Variants in TMEM213 observed in about 807,000 individuals in gnomAD.
TMEM213 encodes the protein transmembrane protein 213.
TMEM213 carries 7 observed loss-of-function variants against 11.6 expected under a neutral mutation model. The observed-to-expected ratio is 0.60, with a 90% CI of 0.34 to 1.13. The LOEUF (loss-of-function observed/expected upper bound fraction) is 1.13, where lower values mean the gene tolerates loss of function less well. Ranked by LOEUF, TMEM213 falls within the 50% of genes most tolerant of loss-of-function variation. The probability of loss-of-function intolerance (pLI) is 0.03; values close to 1 mark genes in which losing one functional copy is unlikely to be tolerated. For missense variants in TMEM213, 129 were observed against 139.0 expected (o/e 0.93, Z 0.36); for synonymous variants, 60 against 58.3 (o/e 1.03, Z -0.13).
Position 138,805,051 on chromosome 7 carries a change from GA to G in TMEM213, c.*1983del, listed in dbSNP as rs1232764418. The G allele has an allele frequency of 6.6e-6, 1 of 152,148 alleles. No homozygotes were observed. Among genetic ancestry groups the G allele is most frequent in the Non-Finnish European group, 1.5e-5 (1 of 68,018 alleles). The allele number at this position is 152,148 out of a possible 1,614,324, so 9.4% of individuals were successfully genotyped here. ...TCAGAAAATCTAAGTAAAGTTCCCT[GA>G]CAACAGAAACTGAAGAGATTGCCTG... On this transcript the variant is annotated 3_prime_UTR_variant, in exon 3 of 3. Coordinates refer to ENST00000442682, the MANE Select transcript of TMEM213 (RefSeq NM_001085429.2).
At chr7:138,802,787 G>A in intron 2 of TMEM213, 113 bp from the exon 3 acceptor site, 1 of 1,122,418 alleles carries the variant, frequency 8.9e-7, no homozygotes, top group Admixed American at 3.0e-5. Flanking sequence ...CACGTAGTAG[G>A]CCTCATCAGT....
At chr7:138,798,265 A>T (rs1257975071) in intron 1 of TMEM213, 79 bp downstream of exon 1, 66 of 1,217,940 alleles carry the variant, frequency 5.4e-5, no homozygotes, top group Non-Finnish European at 6.7e-5. Context: ...GGAAAGAAGG[A>T]GGAGGGGGAA....
rs1019482886 is a variant in TMEM213 at position 138,805,970 on chromosome 7, G to A, written c.*2901G>A. 3.3e-5 allele frequency: 5 copies of A among 151,972 alleles called. 1 individual carries two copies. The highest frequency in any genetic ancestry group is 3.3e-4 in the Admixed American group (5 of 15,238). 9.4% of individuals were successfully genotyped at this position (151,972 alleles called of 1,614,324 possible). ...ACCCCGTAGATGCTTAGACTACTTT[G>A]AACTGAAGTATGTGCAGTCTGCCAT... On this transcript the variant is annotated 3_prime_UTR_variant, in exon 3 of 3. Coordinates refer to ENST00000442682, the MANE Select transcript of TMEM213 (RefSeq NM_001085429.2).
At chr7:138,802,669 C>A (rs987381243) in intron 2 of TMEM213, among the ~76,000 whole-genome samples, 2 of 152,056 alleles carry the variant, frequency 1.3e-5, no homozygotes, top group African/African-American at 4.8e-5. Context: ...TGATCTTGGG[C>A]AAATTACAGC....
In TMEM213 at chr7:138,803,348, A is replaced by G. The variant is rs1809008308; in HGVS notation, c.*279A>G. ...TGTTTTAACCTTTCTTCTAGGCACCAAGGGAGGTGCACAAGAAACTATAAG... is the reference window on the plus strand; with the variant it reads ...TGTTTTAACCTTTCTTCTAGGCACCGAGGGAGGTGCACAAGAAACTATAAG... On this transcript the variant is annotated 3_prime_UTR_variant, in exon 3 of 3. Transcript: ENST00000442682. 5.0e-6 allele frequency: 2 copies of G among 403,310 alleles called. No individual in the cohort carries two copies. The highest frequency in any genetic ancestry group is 8.4e-5 in the Admixed American group (2 of 23,822). 25.0% of individuals were successfully genotyped at this position (403,310 alleles called of 1,614,324 possible). A position where few individuals can be genotyped will look rare whatever the true frequency, so the allele number is the denominator to read the frequency against.
chr7:138,800,710 T>TCTTC, intron 1 of TMEM213, among the ~76,000 whole-genome samples: 1 of 133,822 alleles, frequency 7.5e-6, no homozygotes, highest in African/African-American at 2.9e-5. Context: ...TCTTCTTTTT[T>TCTTC]TTTTTTTTTT....
intron 2 of TMEM213, chr7:138,801,791 T>C (rs6969815): frequency 0.65 from 128,291 of 198,760 alleles, 41,942 homozygotes; most frequent in African/African-American, 0.72. Context: ...TATGCACGTT[T>C]TTCCTCTTCT....
chr7:138,801,414 C>T lies in TMEM213; in HGVS notation c.154+16C>T, dbSNP rs762657135. The T allele has an allele frequency of 1.3e-6, 2 of 1,598,148 alleles. No homozygotes were observed. The highest frequency in any genetic ancestry group is 1.7e-6 in the Non-Finnish European group (2 of 1,172,264). On this transcript the variant is annotated intron_variant, in intron 2 of 2. Coordinates refer to ENST00000442682, the MANE Select transcript of TMEM213 (RefSeq NM_001085429.2). Reference sequence around the variant, plus strand: ...CAGTGCCTCAGTAAGCTTCTCCTGCCAACTGCTCTAACCCCAGAACTGGCC... The same window carrying T: ...CAGTGCCTCAGTAAGCTTCTCCTGCTAACTGCTCTAACCCCAGAACTGGCC...
chr7:138,799,112 C>G (rs1808839496), intron 1 of TMEM213, among the ~76,000 whole-genome samples: 1 of 152,176 alleles, frequency 6.6e-6, no homozygotes, highest in South Asian at 2.1e-4. Context: ...ATGACTTTAC[C>G]TCTCTATGCC....
At position 138,805,181 on chromosome 7, in the gene TMEM213, T is replaced by A. The variant is rs1311143810; in HGVS notation, c.*2112T>A. The A allele has an allele frequency of 6.8e-6, 1 of 147,612 alleles. No homozygotes were observed. The highest frequency in any genetic ancestry group is 1.5e-5 in the Non-Finnish European group (1 of 67,574). The allele number at this position is 147,612 out of a possible 1,614,324, so 9.1% of individuals were successfully genotyped here. On this transcript the variant is annotated 3_prime_UTR_variant, in exon 3 of 3. Transcript: ENST00000442682. ...TGTTCCTAAGTGTTAAATGATCACA[T>A]ACATAAAAGAGTCTGAGCCTGAGCA...
At position 138,804,160 on chromosome 7, in the gene TMEM213, T is replaced by A. The variant is rs1315172041; in HGVS notation, c.*1091T>A. 1.3e-5 allele frequency: 2 copies of A among 152,272 alleles called. No individual in the cohort carries two copies. The highest frequency in any genetic ancestry group is 2.9e-5 in the Non-Finnish European group (2 of 68,166). 9.4% of individuals were successfully genotyped at this position (152,272 alleles called of 1,614,324 possible). ...TCTGTCCTCACTGTCTTGAGGATCT[T>A]CCTCCCCGGCTCATCACTCCCCATG... On this transcript the variant is annotated 3_prime_UTR_variant, in exon 3 of 3. Coordinates refer to ENST00000442682, the MANE Select transcript of TMEM213 (RefSeq NM_001085429.2).
intron 1 of TMEM213, among the ~76,000 whole-genome samples, chr7:138,800,463 G>C (rs763200638): frequency 3.9e-5 from 6 of 152,088 alleles, no homozygotes; most frequent in Non-Finnish European, 5.9e-5. Flanking sequence ...CCTTGCTCAT[G>C]AATCAATCTA....
chr7:138,805,921 C>T lies in TMEM213; in HGVS notation c.*2852C>T, dbSNP rs1809092890. ...GAAGGGTCAGGGCACCAGTTGGTGTCTGAGATGCCCTCCAGTCTGGGGAAC... is the reference window on the plus strand; with the variant it reads ...GAAGGGTCAGGGCACCAGTTGGTGTTTGAGATGCCCTCCAGTCTGGGGAAC... On this transcript the variant is annotated 3_prime_UTR_variant, in exon 3 of 3. Coordinates refer to ENST00000442682, the MANE Select transcript of TMEM213 (RefSeq NM_001085429.2). 1.3e-5 allele frequency: 2 copies of T among 151,206 alleles called. No individual in the cohort carries two copies. The highest frequency in any genetic ancestry group is 4.2e-4 in the South Asian group (2 of 4,794). 9.4% of individuals were successfully genotyped at this position (151,206 alleles called of 1,614,324 possible).
At chr7:138,802,817 T>A in intron 2 of TMEM213, 83 bp from the exon 3 acceptor site, 1 of 1,380,472 alleles carries the variant, frequency 7.2e-7, no homozygotes, top group Non-Finnish European at 9.7e-7. Flanking sequence ...CGTGCTGTGA[T>A]TGTTCTGTTA....
chr7:138,801,225 C>T, intron 1 of TMEM213, 102 bp from the exon 2 acceptor site: 8 of 1,103,508 alleles, frequency 7.2e-6, no homozygotes, highest in African/African-American at 1.6e-5. Flanking sequence ...TTCTATAATA[C>T]TTTCATAATA....
At chr7:138,798,232 G>A in intron 1 of TMEM213, 46 bp downstream of exon 1, 1 of 1,525,584 alleles carries the variant, frequency 6.6e-7, no homozygotes, top group Non-Finnish European at 8.9e-7. Flanking sequence ...AAGGGGGAGG[G>A]AAGGAGGGAA....
At chr7:138,801,601 A>G (rs766569398) in intron 2 of TMEM213, 5 of 580,226 alleles carry the variant, frequency 8.6e-6, no homozygotes, top group African/African-American at 1.9e-5. Context: ...ATCTAGGTGC[A>G]CAATCTTTGA....
At chr7:138,800,004 T>C (rs1315255556) in intron 1 of TMEM213, among the ~76,000 whole-genome samples, 4 of 152,134 alleles carry the variant, frequency 2.6e-5, no homozygotes, top group Non-Finnish European at 5.9e-5. Context: ...CACTTTTTTT[T>C]TTTTCCTTTT....
At position 138,804,918 on chromosome 7, in the gene TMEM213, T is replaced by C. The variant is rs1809051284; in HGVS notation, c.*1849T>C. On this transcript the variant is annotated 3_prime_UTR_variant, in exon 3 of 3. Coordinates refer to ENST00000442682, the MANE Select transcript of TMEM213 (RefSeq NM_001085429.2). ...TGCCTTCTGTGAGAAAACATGTATTTAGATCAGATAAACTCTAGTCAAAAT... is the reference window on the plus strand; with the variant it reads ...TGCCTTCTGTGAGAAAACATGTATTCAGATCAGATAAACTCTAGTCAAAAT... 1.3e-5 allele frequency: 2 copies of C among 152,132 alleles called. No homozygotes were observed. Among genetic ancestry groups the C allele is most frequent in the South Asian group, 4.2e-4 (2 of 4,814 alleles). 9.4% of individuals were successfully genotyped at this position (152,132 alleles called of 1,614,324 possible). A position where few individuals can be genotyped will look rare whatever the true frequency, so the allele number is the denominator to read the frequency against.
Sources: gnomAD v4.1 joint callset for allele counts (sites outside exome capture counted in the v4.1 genomes callset) on GRCh38, gnomAD v4.1.1 for gene constraint, MANE v1.5 for transcripts, NCBI Gene and HGNC (gene_info 2026-07-23, HGNC 2026-07-21) for gene names.